The following ENGASE variants were observed in gnomAD, a reference collection of about 807,000 sequenced individuals.
ENGASE encodes endo-beta-N-acetylglucosaminidase.
A neutral mutation model predicts 78.5 loss-of-function variants in ENGASE; 69 were observed. The ratio of observed to expected loss-of-function variants is 0.88; its 90% confidence interval spans 0.72 to 1.07. ENGASE has a LOEUF of 1.07. Ranked by LOEUF, ENGASE falls within the 50% of genes least tolerant of loss-of-function variation. The pLI is 0.00. For synonymous variants in ENGASE, 408 were observed against 408.9 expected (o/e 1.00, Z 0.03); for missense variants, 943 against 988.4 (o/e 0.95, Z 0.62).
At position 79,080,282 on chromosome 17, in the gene ENGASE, A is replaced by C; in HGVS notation, c.641A>C (p.Gln214Pro). 1 of 1,614,022 alleles carries C rather than the reference A, an allele frequency of 6.2e-7. No individual in the cohort carries two copies. Among genetic ancestry groups the C allele is most frequent in the Non-Finnish European group, 8.5e-7 (1 of 1,179,980 alleles). The change falls in exon 5 of 14, where the codon CAG (glutamine) becomes CCG (proline). Residue 214 changes from glutamine to proline, a missense_variant. By Grantham distance (76) the Gln-to-Pro change is moderately conservative. Coordinates refer to ENST00000579016, the MANE Select transcript of ENGASE (RefSeq NM_001042573.3). ...CTGGCCGGGGATGAGCGCTCGTACC[A>C]GGCAGTGGCTGACCGGCTGGTCCAG... Reference protein sequence around the residue: ...AFLAGDERSYQAVADRLVQIT... With the variant: ...AFLAGDERSYPAVADRLVQIT...
chr17:79,081,705 T>C (rs1599340911), intron 6 of ENGASE, among the ~76,000 whole-genome samples, 193 bp from the exon 7 acceptor site: 1 of 144,316 alleles, frequency 6.9e-6, no homozygotes, highest in East Asian at 2.1e-4. Flanking sequence ...GTGGAGGGGG[T>C]GGCCCTGTCC....
chr17:79,080,992 C>T lies in ENGASE; in HGVS notation c.791C>T (p.Pro264Leu), dbSNP rs1270999071. 3 of 1,613,226 alleles carry T rather than the reference C, an allele frequency of 1.9e-6. No individual in the cohort carries two copies. Among genetic ancestry groups the T allele is most frequent in the Non-Finnish European group, 2.5e-6 (3 of 1,179,988 alleles). Reference sequence around the variant, plus strand: ...ACCACACAGCTGCACCGGCAGGTCCCAGGGGGCCTGGTGCTCTGGTATGAC... The same window carrying T: ...ACCACACAGCTGCACCGGCAGGTCCTAGGGGGCCTGGTGCTCTGGTATGAC... Reference protein sequence around the residue: ...YLTTQLHRQVPGGLVLWYDSV... With the variant: ...YLTTQLHRQVLGGLVLWYDSV... The change falls in exon 6 of 14, where the codon CCA (proline) becomes CTA (leucine). Residue 264 changes from proline to leucine, a missense_variant. Coordinates refer to ENST00000579016, the MANE Select transcript of ENGASE (RefSeq NM_001042573.3).
At chr17:79,085,859 G>A (rs1160539151) in intron 13 of ENGASE, 74 bp from the exon 14 acceptor site, 2 of 1,581,436 alleles carry the variant, frequency 1.3e-6, no homozygotes, top group Non-Finnish European at 1.7e-6. Flanking sequence ...AGTCAGGGAG[G>A]GGAAATGTGT....
chr17:79,083,451 G>C lies in ENGASE; in HGVS notation c.1143-31G>C. The C allele has an allele frequency of 6.4e-7, 1 of 1,561,332 alleles. No homozygotes were observed. The highest frequency in any genetic ancestry group is 8.8e-7 in the Non-Finnish European group (1 of 1,134,530). ...CTGAGAGGCTCCCTCCCTTCCTCCG[G>C]ACCGAGCTGTTGCCCCCATGTCTCT... On this transcript the variant is annotated intron_variant, in intron 8 of 13. Transcript: ENST00000579016. The surrounding 1 kb of genome is among the most constrained non-coding windows in gnomAD (Gnocchi z 4.9).
At position 79,083,651 on chromosome 17, in the gene ENGASE, G is replaced by GCC. The variant is rs1451254489; in HGVS notation, c.1251+62_1251+63dup. The GCC allele has an allele frequency of 1.9e-6, 3 of 1,579,312 alleles. No homozygotes were observed. The African/African-American group carries it at 4.1e-5, about 21-fold the overall frequency. Reference sequence around the variant, plus strand: ...GCCTCAGCTGGGACAGGTGGGAGGAGCCTGGGACTTGCCAGCAGGCACGGT... The same window carrying GCC: ...GCCTCAGCTGGGACAGGTGGGAGGAGCCCCTGGGACTTGCCAGCAGGCACGGT... On this transcript the variant is annotated intron_variant, in intron 9 of 13. Coordinates refer to ENST00000579016, the MANE Select transcript of ENGASE (RefSeq NM_001042573.3). This position sits in a 1 kb window ranked among gnomAD's most constrained non-coding sequence, Gnocchi z 4.9.
Position 79,086,622 on chromosome 17 carries a change from C to T in ENGASE, c.*273C>T. ...TTGTCCCTCCCCACGGTACCTGGTTCCCAGGTGAAAATGAAAGGAGGGGAG... is the reference window on the plus strand; with the variant it reads ...TTGTCCCTCCCCACGGTACCTGGTTTCCAGGTGAAAATGAAAGGAGGGGAG... On this transcript the variant is annotated 3_prime_UTR_variant, in exon 14 of 14. Coordinates refer to ENST00000579016, the MANE Select transcript of ENGASE (RefSeq NM_001042573.3). 3 of 546,208 alleles carry T rather than the reference C, an allele frequency of 5.5e-6. No individual in the cohort carries two copies. The highest frequency in any genetic ancestry group is 3.1e-5 in the East Asian group (1 of 32,494). The allele number at this position is 546,208 out of a possible 1,614,324, so 33.8% of individuals were successfully genotyped here. A position where few individuals can be genotyped will look rare whatever the true frequency, so the allele number is the denominator to read the frequency against.
intron 11 of ENGASE, 44 bp downstream of exon 11, chr17:79,084,730 G>A: frequency 4.4e-6 from 7 of 1,598,752 alleles, no homozygotes; most frequent in Non-Finnish European, 5.1e-6. Context: ...AGGGCGGAGA[G>A]CTCAGGGAAG....
rs757601617 is a variant in ENGASE at position 79,081,114 on chromosome 17, G to T, written c.872+41G>T. On this transcript the variant is annotated intron_variant, in intron 6 of 13. Transcript: ENST00000579016. ...GGTGCTGTGAGGGGGCAGGTGCCGT[G>T]GTGGGGGCGGGTACTGTGAGGGGTG... 9 of 1,517,410 alleles carry T rather than the reference G, an allele frequency of 5.9e-6. No individual in the cohort carries two copies. In the African/African-American group the frequency reaches 1.2e-4, roughly 21 times the overall value. 94.0% of individuals were successfully genotyped at this position (1,517,410 alleles called of 1,614,324 possible). A position where few individuals can be genotyped will look rare whatever the true frequency, so the allele number is the denominator to read the frequency against.
chr17:79,078,531 G>A (rs1030405622), intron 3 of ENGASE, among the ~76,000 whole-genome samples: 5 of 152,154 alleles, frequency 3.3e-5, no homozygotes, highest in Non-Finnish European at 7.4e-5. Context: ...TTTGGTGTTC[G>A]TCACCTTCTT....
In ENGASE at chr17:79,083,420, G is replaced by T; in HGVS notation, c.1143-62G>T. ...CTCGAGTTTCCACCAGCAAGTTTGA[G>T]GGACACTGAGAGGCTCCCTCCCTTC... On this transcript the variant is annotated intron_variant, in intron 8 of 13. Transcript: ENST00000579016. This position sits in a 1 kb window ranked among gnomAD's most constrained non-coding sequence, Gnocchi z 4.9. 1 of 1,326,862 alleles carries T rather than the reference G, an allele frequency of 7.5e-7. No individual in the cohort carries two copies. 82.2% of individuals were successfully genotyped at this position (1,326,862 alleles called of 1,614,324 possible).
chr17:79,084,124 C>T (rs2073224343), intron 10 of ENGASE, 173 bp downstream of exon 10: 3 of 627,920 alleles, frequency 4.8e-6, no homozygotes, highest in Admixed American at 3.1e-5. Flanking sequence ...CCATCTTGAC[C>T]CTGTTGAAGT....
Position 79,084,546 on chromosome 17 carries a change from C to T in ENGASE, c.1451C>T (p.Ser484Phe). 3 of 1,569,984 alleles carry T rather than the reference C, an allele frequency of 1.9e-6. No individual in the cohort carries two copies. Among genetic ancestry groups the T allele is most frequent in the Non-Finnish European group, 2.6e-6 (3 of 1,163,266 alleles). ...EVGNVAVRLF[S>F]LQAPVPPKIY... is the part of the protein sequence containing the mutation. ...AGGACCTTTTTCCCCAGGTTATTTT[C>T]CCTGCAGGCCCCAGTGCCACCCAAG... is the stretch of plus-strand genomic sequence containing the variant. Residue 484 changes from serine to phenylalanine, a missense_variant, in exon 11 of 14, where the codon TCC (serine) becomes TTC (phenylalanine). Transcript: ENST00000579016.
chr17:79,084,532 C>G lies in ENGASE; in HGVS notation c.1443-6C>G. The G allele has an allele frequency of 6.4e-7, 1 of 1,560,860 alleles. No homozygotes were observed. The highest frequency in any genetic ancestry group is 8.6e-7 in the Non-Finnish European group (1 of 1,159,254). On this transcript the variant is annotated splice_region_variant and splice_polypyrimidine_tract_variant and intron_variant, in intron 10 of 13. Transcript: ENST00000579016. ...ACGGCACCCATCACAGGACCTTTTTCCCCAGGTTATTTTCCCTGCAGGCCC... is the reference window on the plus strand; with the variant it reads ...ACGGCACCCATCACAGGACCTTTTTGCCCAGGTTATTTTCCCTGCAGGCCC...
In ENGASE at chr17:79,077,694, A is replaced by G; in HGVS notation, c.246A>G (p.Pro82=). 1 of 1,614,180 alleles carries G rather than the reference A, an allele frequency of 6.2e-7. No individual in the cohort carries two copies. The highest frequency in any genetic ancestry group is 1.1e-5 in the South Asian group (1 of 91,080). Residue 82 remains proline, a synonymous_variant, in exon 3 of 14, where the codon CCA becomes CCG. Coordinates refer to ENST00000579016, the MANE Select transcript of ENGASE (RefSeq NM_001042573.3). ...ATTATGACAAGGACACCACCAAACCAATCAGCTTTTACTTGTCTTCGCTGG... is the reference window on the plus strand; with the variant it reads ...ATTATGACAAGGACACCACCAAACCGATCAGCTTTTACTTGTCTTCGCTGG... The part of the protein sequence containing the change: ...VRYYDKDTTK[P]ISFYLSSLEE...
chr17:79,082,470 G>A (rs1180147819), intron 7 of ENGASE: 3 of 1,206,848 alleles, frequency 2.5e-6, no homozygotes, highest in Non-Finnish European at 3.1e-6. Flanking sequence ...GGTGCCCAGG[G>A]TTTGGGGATC....
chr17:79,084,447 T>TC (rs2073233296), intron 10 of ENGASE, 91 bp from the exon 11 acceptor site: 1 of 1,336,150 alleles, frequency 7.5e-7, no homozygotes. Context: ...CCCCTGTTCC[T>TC]GGAGGGAGGG....
chr17:79,085,138 A>C lies in ENGASE; in HGVS notation c.1592-96A>C, dbSNP rs765436546. 1.9e-5 allele frequency: 18 copies of C among 933,864 alleles called. No homozygotes were observed. The Middle Eastern group carries it at 6.3e-4, about 32-fold the overall frequency. The allele number at this position is 933,864 out of a possible 1,614,324, so 57.8% of individuals were successfully genotyped here. A position where few individuals can be genotyped will look rare whatever the true frequency, so the allele number is the denominator to read the frequency against. ...CCGCGAGCGTCTGGCCGAATCAGGC[A>C]GCCTTCTCTGGACTCCTGGGGCGCC... On this transcript the variant is annotated intron_variant, in intron 11 of 13. Coordinates refer to ENST00000579016, the MANE Select transcript of ENGASE (RefSeq NM_001042573.3).
Position 79,081,224 on chromosome 17 carries a change from C to G in ENGASE, c.872+151C>G, listed in dbSNP as rs866960101. The G allele has an allele frequency of 9.6e-4, 1,026 of 1,073,076 alleles. 8 individuals carry two copies. In the African/African-American group the frequency reaches 0.015, roughly 15 times the overall value. 66.5% of individuals were successfully genotyped at this position (1,073,076 alleles called of 1,614,324 possible). A position where few individuals can be genotyped will look rare whatever the true frequency, so the allele number is the denominator to read the frequency against. ...GGGTAAAAAGAGGGAGAAGGTGGGC[C>G]AGGCGCAGTGGCTCATGTCTGTAAT... On this transcript the variant is annotated intron_variant, in intron 6 of 13. Coordinates refer to ENST00000579016, the MANE Select transcript of ENGASE (RefSeq NM_001042573.3).
chr17:79,081,791 C>T, intron 6 of ENGASE, 107 bp from the exon 7 acceptor site: 1 of 1,259,876 alleles, frequency 7.9e-7, no homozygotes, highest in Non-Finnish European at 1.1e-6. Flanking sequence ...TGGGGTGGGC[C>T]CATCCCTCTG....
Sources: gnomAD v4.1 joint callset for allele counts (sites outside exome capture counted in the v4.1 genomes callset) on GRCh38, gnomAD v4.1.1 for gene constraint, Gnocchi (gnomAD v3.1) non-coding constraint, MANE v1.5 for transcripts, NCBI Gene and HGNC (gene_info 2026-07-23, HGNC 2026-07-21) for gene names.